The following ATP2B4 variants were observed in gnomAD, a reference collection of about 807,000 sequenced individuals.
ATP2B4 encodes ATPase plasma membrane Ca2+ transporting 4, also known as plasma membrane calcium-transporting ATPase 4.
Under a neutral mutation model 110.3 loss-of-function variants are expected in ATP2B4, and 39 were observed. That is an observed-to-expected ratio of 0.35 (90% CI 0.27 to 0.46). ATP2B4 has a LOEUF of 0.46. Ranked by LOEUF, ATP2B4 falls within the 20% of genes least tolerant of loss-of-function variation. ATP2B4 has a pLI of 1.00. For missense variants in ATP2B4, 1,135 were observed against 1,530.9 expected, an observed-to-expected ratio of 0.74 and a Z score of 4.32; for synonymous variants, 538 against 571.7, an observed-to-expected ratio of 0.94 and a Z score of 0.84.
intron 2 of ATP2B4, among the ~76,000 whole-genome samples, chr1:203,690,672 CTCTT>C (rs1665341643): frequency 6.6e-6 from 1 of 152,106 alleles, no homozygotes; most frequent in African/African-American, 2.4e-5. Context: ...CTCTATTTTC[CTCTT>C]TCTTTGTGCC....
At chr1:203,700,126 T>C (rs745462856) in intron 4 of ATP2B4, 80 bp from the exon 5 acceptor site, 19 of 1,506,312 alleles carry the variant, frequency 1.3e-5, no homozygotes, top group East Asian at 2.3e-5. Context: ...TGAGATAGGG[T>C]TGAAGGAGTT....
Position 203,722,600 on chromosome 1 carries a change from C to T in ATP2B4, c.2935C>T (p.Arg979Ter). Reference sequence around the variant, plus strand: ...GCAGCTCTTCAATGAAATCAACTCCCGAAAGATCCATGGAGAGAAGAACGT... The same window carrying T: ...GCAGCTCTTCAATGAAATCAACTCCTGAAAGATCCATGGAGAGAAGAACGT... The part of the protein sequence containing the change: ...LMQLFNEINS[R>*]KIHGEKNVFS... Residue 979 changes from arginine (R) to a stop codon, truncating the protein, a stop_gained, in exon 18 of 21, where the codon CGA becomes TGA. Transcript: ENST00000357681. LOFTEE classifies it high-confidence loss of function. The T allele has an allele frequency of 6.2e-7, 1 of 1,614,128 alleles. No individual in the cohort carries two copies. Among genetic ancestry groups the T allele is most frequent in the East Asian group, 2.2e-5 (1 of 44,884 alleles).
chr1:203,664,126 A>C (rs1397918894), intron 1 of ATP2B4, among the ~76,000 whole-genome samples: 2 of 152,252 alleles, frequency 1.3e-5, no homozygotes, highest in Non-Finnish European at 2.9e-5. Flanking sequence ...AGCATTATCC[A>C]CATGTGAGTT....
At chr1:203,729,673 T>C (rs749997155) in intron 20 of ATP2B4, 2 of 1,257,786 alleles carry the variant, frequency 1.6e-6, no homozygotes, top group Admixed American at 1.9e-5. Context: ...GCCTCACCTA[T>C]CCAGGGCGAT....
chr1:203,680,387 A>T (rs1664968201), intron 1 of ATP2B4, among the ~76,000 whole-genome samples: 1 of 152,110 alleles, frequency 6.6e-6, no homozygotes, highest in African/African-American at 2.4e-5. Flanking sequence ...AGGCGTGCGG[A>T]TCACGAGGTC....
At chr1:203,708,351 A>G (rs1665910112) in intron 10 of ATP2B4, among the ~76,000 whole-genome samples, 1 of 152,212 alleles carries the variant, frequency 6.6e-6, no homozygotes. Flanking sequence ...TGTAAAAGCA[A>G]TGTCTCTAAG....
In ATP2B4 at chr1:203,717,626, T is replaced by TTTTATTTATTTATTTATTTA. The variant is rs113515512; in HGVS notation, c.2407-2909_2407-2890dup. ...TCATTTTAATGTGAAATGGTATTTA[T>TTTTATTTATTTATTTATTTA]TTTATTTATTTATTTATTTATTTAT... On this transcript the variant is annotated intron_variant, in intron 15 of 20. Coordinates refer to ENST00000357681, the MANE Select transcript of ATP2B4 (RefSeq NM_001684.5). Among the ~76,000 whole-genome samples the TTTTATTTATTTATTTATTTA allele has an allele frequency of 5.4e-3, 774 of 144,224 alleles. 3 individuals carry two copies. Among genetic ancestry groups the TTTTATTTATTTATTTATTTA allele is most frequent in the Non-Finnish European group, 6.9e-3 (457 of 66,170 alleles). 94.6% of individuals were successfully genotyped at this position (144,224 alleles called of 152,430 possible). A position where few individuals can be genotyped will look rare whatever the true frequency, so the allele number is the denominator to read the frequency against.
chr1:203,645,590 C>CTTTTTTTT (rs751707749), intron 1 of ATP2B4, among the ~76,000 whole-genome samples: 1 of 138,536 alleles, frequency 7.2e-6, no homozygotes, highest in Non-Finnish European at 1.6e-5. Context: ...CCTTTTCTTT[C>CTTTTTTTT]TTTTTTTTTT....
chr1:203,709,675 G>C, intron 11 of ATP2B4, 133 bp downstream of exon 11: 10 of 1,416,204 alleles, frequency 7.1e-6, no homozygotes, highest in Non-Finnish European at 9.5e-6. Flanking sequence ...TAATATCCAA[G>C]CGTCTACTCA....
chr1:203,724,878 T>C (rs946806424), intron 19 of ATP2B4, among the ~76,000 whole-genome samples: 2 of 143,002 alleles, frequency 1.4e-5, no homozygotes, highest in African/African-American at 5.2e-5. Context: ...TTTTTTTTTT[T>C]TTTTTTTTTT....
chr1:203,644,239 G>T (rs569420057), intron 1 of ATP2B4, among the ~76,000 whole-genome samples: 17 of 126,836 alleles, frequency 1.3e-4, no homozygotes, highest in African/African-American at 3.1e-4. Flanking sequence ...AGCAGAGCAA[G>T]ACTCCATCTT....
rs768136813 is a variant in ATP2B4 at position 203,712,122 on chromosome 1, C to T, written c.2194C>T (p.Arg732Cys). 3.5e-5 allele frequency: 56 copies of T among 1,613,808 alleles called. No homozygotes were observed. The highest frequency in any genetic ancestry group is 4.5e-5 in the East Asian group (2 of 44,880). ...LEGKEFNRLI[R>C]NEKGEVEQEK... ...AGGCAAAGAATTCAACCGGCTCATC[C>T]GCAACGAGAAAGGCGAGGTGGGTCC... The change falls in exon 13 of 21, where the codon CGC (arginine) becomes TGC (cysteine). Residue 732 changes from arginine to cysteine, a missense_variant. Around this residue, in one of 9 missense-constraint regions of ATP2B4, gnomAD observed 368 missense variants for 455.9 expected, o/e 0.81. Transcript: ENST00000357681.
Position 203,701,991 on chromosome 1 carries a change from C to G in ATP2B4, c.902-53C>G, listed in dbSNP as rs1261826116. ...TGAGCAGGACCAACAAATTGGATCTCTTAATAGTTACTTTGGGTTTCGACC... is the reference window on the plus strand; with the variant it reads ...TGAGCAGGACCAACAAATTGGATCTGTTAATAGTTACTTTGGGTTTCGACC... On this transcript the variant is annotated intron_variant, in intron 6 of 20. Transcript: ENST00000357681. 22 of 1,606,514 alleles carry G rather than the reference C, an allele frequency of 1.4e-5. No individual in the cohort carries two copies. The East Asian group carries it at 4.9e-4, about 36-fold the overall frequency.
intron 1 of ATP2B4, among the ~76,000 whole-genome samples, chr1:203,667,934 A>G (rs1664555616): frequency 6.6e-6 from 1 of 152,218 alleles, no homozygotes; most frequent in Admixed American, 6.5e-5. Context: ...ACAGCTGGCC[A>G]GGGTGTGTTA....
At chr1:203,723,457 T>TCTCTCTCTCTCTCC in intron 18 of ATP2B4, among the ~76,000 whole-genome samples, 1 of 113,502 alleles carries the variant, frequency 8.8e-6, no homozygotes, top group Non-Finnish European at 1.7e-5. Flanking sequence ...TCTCTCTCTC[T>TCTCTCTCTCTCTCC]CTCCCTCTGC....
intron 20 of ATP2B4, among the ~76,000 whole-genome samples, chr1:203,739,026 G>T (rs955681007): frequency 5.3e-5 from 8 of 152,200 alleles, no homozygotes; most frequent in Non-Finnish European, 1.5e-5. Flanking sequence ...CCTGTATTAT[G>T]TGCAGATTGG....
chr1:203,678,102 G>C (rs1203067629), intron 1 of ATP2B4, among the ~76,000 whole-genome samples: 1 of 152,174 alleles, frequency 6.6e-6, no homozygotes, highest in Non-Finnish European at 1.5e-5. Flanking sequence ...GGCCCCTCCT[G>C]TTTCCTTTCT....
chr1:203,643,659 C>T (rs1279862096), intron 1 of ATP2B4, among the ~76,000 whole-genome samples: 2 of 152,296 alleles, frequency 1.3e-5, no homozygotes, highest in African/African-American at 2.4e-5. Context: ...TCTCTTGGAA[C>T]AGGGGGAATT....
chr1:203,722,166 A>T (rs181320975), intron 17 of ATP2B4, among the ~76,000 whole-genome samples: 13 of 152,214 alleles, frequency 8.5e-5, no homozygotes, highest in Admixed American at 7.2e-4. Flanking sequence ...AAAATGTTTA[A>T]TAACTAGTAC....
Sources: gnomAD v4.1 joint callset for allele counts (sites outside exome capture counted in the v4.1 genomes callset) on GRCh38, gnomAD v4.1.1 for gene constraint, gnomAD v4.1.1 regional missense constraint, MANE v1.5 for transcripts, NCBI Gene and HGNC (gene_info 2026-07-23, HGNC 2026-07-21) for gene names.